Variants in CPQ observed in about 807,000 individuals in gnomAD.
CPQ encodes the protein Ser-Met dipeptidase.
CPQ carries 37 observed loss-of-function variants against 45.7 expected under a neutral mutation model. That is an observed-to-expected ratio of 0.81 (90% CI 0.62 to 1.07). The LOEUF (loss-of-function observed/expected upper bound fraction) is 1.07, where lower values mean the gene tolerates loss of function less well. CPQ is among the 50% of genes least tolerant of loss of function. CPQ has a pLI of 0.00. For missense variants in CPQ, 537 were observed against 572.9 expected, an observed-to-expected ratio of 0.94 and a Z score of 0.64; for synonymous variants, 186 against 205.8, an observed-to-expected ratio of 0.90 and a Z score of 0.82.
At chr8:96,839,912 G>C (rs775927989) in intron 3 of CPQ, among the ~76,000 whole-genome samples, 7 of 152,140 alleles carry the variant, frequency 4.6e-5, no homozygotes, top group Non-Finnish European at 1.0e-4. Flanking sequence ...TACTGTATTG[G>C]TATCTCTTTT....
At chr8:96,956,337 A>G (rs1002688258) in intron 4 of CPQ, among the ~76,000 whole-genome samples, 2 of 152,102 alleles carry the variant, frequency 1.3e-5, no homozygotes, top group African/African-American at 4.8e-5. Context: ...AAGCATGATT[A>G]TGCTTCATGT....
At chr8:96,981,330 T>C (rs752825696) in intron 5 of CPQ, among the ~76,000 whole-genome samples, 19 of 152,352 alleles carry the variant, frequency 1.2e-4, no homozygotes, top group Non-Finnish European at 2.6e-4. Context: ...ATTGAAATTA[T>C]TGAGTTGTTG....
At position 96,901,069 on chromosome 8, in the gene CPQ, C is replaced by T. The variant is rs531473796; in HGVS notation, c.849+21064C>T. On this transcript the variant is annotated intron_variant, in intron 4 of 7. Coordinates refer to ENST00000220763, the MANE Select transcript of CPQ (RefSeq NM_016134.4). ...CTCTTTAGCCCAGGTTCTGGGAATGCACCTCACAGAAGGCTCCAGTGTCAT... is the reference window on the plus strand; with the variant it reads ...CTCTTTAGCCCAGGTTCTGGGAATGTACCTCACAGAAGGCTCCAGTGTCAT... Among the ~76,000 whole-genome samples, 300 of 152,258 alleles carry T rather than the reference C, an allele frequency of 2.0e-3. 2 individuals are homozygous for T. Among genetic ancestry groups the T allele is most frequent in the African/African-American group, 6.7e-3 (279 of 41,566 alleles).
rs1267136247 is a variant in CPQ at position 96,944,890 on chromosome 8, T to TA, written c.850-21044dup. Reference sequence around the variant, plus strand: ...GGGAAATACCTCGAATTCCTTTTTTTATGGATTGTACTTCCTAGAGGGTAT... The same window carrying TA: ...GGGAAATACCTCGAATTCCTTTTTTTAATGGATTGTACTTCCTAGAGGGTAT... On this transcript the variant is annotated intron_variant, in intron 4 of 7. Coordinates refer to ENST00000220763, the MANE Select transcript of CPQ (RefSeq NM_016134.4). Among the ~76,000 whole-genome samples, 6 of 152,250 alleles carry TA rather than the reference T, an allele frequency of 3.9e-5. No individual in the cohort carries two copies. In the East Asian group the frequency reaches 7.7e-4, roughly 20 times the overall value.
chr8:96,982,807 A>T (rs1288194383), intron 5 of CPQ, among the ~76,000 whole-genome samples: 1 of 152,196 alleles, frequency 6.6e-6, no homozygotes, highest in Admixed American at 6.5e-5. Context: ...AACCACTATT[A>T]CTCCTTTGAC....
intron 6 of CPQ, among the ~76,000 whole-genome samples, chr8:97,042,403 T>C (rs1450349036): frequency 6.6e-6 from 1 of 152,164 alleles, no homozygotes; most frequent in Admixed American, 6.5e-5. Flanking sequence ...TTGCTAGCAG[T>C]CTATCAATTT....
intron 1 of CPQ, among the ~76,000 whole-genome samples, chr8:96,682,372 G>GCT (rs530844660): frequency 6.6e-6 from 1 of 152,308 alleles, no homozygotes; most frequent in South Asian, 2.1e-4. Context: ...CCCTATACAA[G>GCT]CTCTCTCTCT....
rs1310307457 is a variant in CPQ, at chr8:97,029,428, G to T, written c.987G>T (p.Arg329=). Residue 329 remains arginine, a synonymous_variant, in exon 6 of 8, where the codon CGG becomes CGT. Coordinates refer to ENST00000220763, the MANE Select transcript of CPQ (RefSeq NM_016134.4). ...GGCTGCGTCCAAAGAGGACTCTGCGGCTGGTGCTCTGGACTGCAGAAGAAC... is the reference window on the plus strand; with the variant it reads ...GGCTGCGTCCAAAGAGGACTCTGCGTCTGGTGCTCTGGACTGCAGAAGAAC... ...DLGLRPKRTL[R]LVLWTAEEQG... The T allele has an allele frequency of 6.2e-7, 1 of 1,608,174 alleles. No individual in the cohort carries two copies. Among genetic ancestry groups the T allele is most frequent in the South Asian group, 1.1e-5 (1 of 89,884 alleles).
intron 1 of CPQ, among the ~76,000 whole-genome samples, chr8:96,711,770 T>C (rs952362440): frequency 6.6e-6 from 1 of 152,124 alleles, no homozygotes; most frequent in Non-Finnish European, 1.5e-5. Context: ...GGGATTTGTG[T>C]GGAGACACAG....
chr8:96,797,937 G>C (rs1810956508), intron 2 of CPQ, among the ~76,000 whole-genome samples: 2 of 151,924 alleles, frequency 1.3e-5, no homozygotes, highest in South Asian at 4.2e-4. Flanking sequence ...TGTAGTCCCA[G>C]CTACTCAGGA....
At chr8:96,961,778 T>C (rs1447491557) in intron 4 of CPQ, among the ~76,000 whole-genome samples, 12 of 152,230 alleles carry the variant, frequency 7.9e-5, no homozygotes, top group Admixed American at 7.9e-4. Context: ...CAATAAAAAT[T>C]GTTGAAGGAA....
chr8:96,737,600 G>T (rs1021939294), intron 1 of CPQ, among the ~76,000 whole-genome samples: 2 of 151,844 alleles, frequency 1.3e-5, no homozygotes, highest in African/African-American at 4.8e-5. Flanking sequence ...TCATTAGATA[G>T]TGCCCACCAG....
In CPQ at chr8:96,751,417, T is replaced by C. The variant is rs527671539; in HGVS notation, c.-34-33447T>C. Among the ~76,000 whole-genome samples, 3 of 152,354 alleles carry C rather than the reference T, an allele frequency of 2.0e-5. No homozygotes were observed. The South Asian group carries it at 6.2e-4, about 32-fold the overall frequency. On this transcript the variant is annotated intron_variant, in intron 1 of 7. Transcript: ENST00000220763. ...GAAAAGCTTTTTTTAATATACTTGT[T>C]GGTTGCATGAATGTCTTCTTTTGAG...
chr8:96,660,636 GGTGTGTGT>G lies in CPQ; in HGVS notation c.-35+15255_-35+15262del, dbSNP rs71267273. Among the ~76,000 whole-genome samples the G allele has an allele frequency of 2.5e-3, 373 of 149,150 alleles. 3 individuals carry two copies. The highest frequency in any genetic ancestry group is 8.7e-3 in the African/African-American group (352 of 40,596). On this transcript the variant is annotated intron_variant, in intron 1 of 7. Coordinates refer to ENST00000220763, the MANE Select transcript of CPQ (RefSeq NM_016134.4). ...CTGAAATGGGGCTGAGAATACATTT[GGTGTGTGT>G]GTGTGTGTGTGTGTGTGTGTTTATA... is the stretch of plus-strand genomic sequence containing the variant.
intron 4 of CPQ, among the ~76,000 whole-genome samples, chr8:96,897,227 A>G (rs565632356): frequency 6.6e-6 from 1 of 152,300 alleles, no homozygotes; most frequent in African/African-American, 2.4e-5. Flanking sequence ...CAGATTAACT[A>G]ATTTTGAAAG....
At chr8:97,014,998 A>G (rs1230379390) in intron 5 of CPQ, among the ~76,000 whole-genome samples, 1 of 152,194 alleles carries the variant, frequency 6.6e-6, no homozygotes, top group Non-Finnish European at 1.5e-5. Flanking sequence ...GAGATGCATT[A>G]CTTTTTTATA....
At chr8:96,911,088 T>C (rs1812656498) in intron 4 of CPQ, among the ~76,000 whole-genome samples, 1 of 152,090 alleles carries the variant, frequency 6.6e-6, no homozygotes, top group Non-Finnish European at 1.5e-5. Flanking sequence ...ACCAAAACCA[T>C]TTTCTTGAAT....
intron 1 of CPQ, among the ~76,000 whole-genome samples, chr8:96,693,642 A>C (rs1809334269): frequency 6.6e-6 from 1 of 152,160 alleles, no homozygotes; most frequent in Non-Finnish European, 1.5e-5. Flanking sequence ...AGGAGACATA[A>C]AGACTTTTCC....
At chr8:96,782,575 C>T (rs763400094) in intron 1 of CPQ, among the ~76,000 whole-genome samples, 4 of 152,170 alleles carry the variant, frequency 2.6e-5, no homozygotes, top group Non-Finnish European at 5.9e-5. Flanking sequence ...CTTTACTAGC[C>T]ATACAAACCT....
Sources: allele counts gnomAD v4.1 joint callset (sites outside exome capture counted in the v4.1 genomes callset), GRCh38; gene constraint gnomAD v4.1.1; transcripts MANE v1.5; gene names NCBI Gene and HGNC (gene_info 2026-07-23, HGNC 2026-07-21).